Variants in MYRIP observed in about 807,000 individuals in gnomAD.
MYRIP encodes the protein myosin VIIA and Rab interacting protein.
MYRIP carries 49 observed loss-of-function variants against 98.0 expected under a neutral mutation model. The ratio of observed to expected loss-of-function variants is 0.50; its 90% CI spans 0.40 to 0.63. The LOEUF (loss-of-function observed/expected upper bound fraction) is 0.63. Ranked by LOEUF, MYRIP falls within the 30% of genes least tolerant of loss-of-function variation. The probability of loss-of-function intolerance (pLI) is 0.00; values close to 1 mark genes in which losing one functional copy is unlikely to be tolerated. For missense variants in MYRIP, 1,004 were observed against 1,058.2 expected (o/e 0.95, Z 0.71); for synonymous variants, 404 against 409.5 (o/e 0.99, Z 0.16).
chr3:39,813,629 T>A (rs1940776145), intron 1 of MYRIP, among the ~76,000 whole-genome samples: 4 of 152,238 alleles, frequency 2.6e-5, no homozygotes, highest in African/African-American at 9.6e-5. Flanking sequence ...AGTTGTACTC[T>A]TCTGCAGTGG....
chr3:40,109,119 C>T (rs1949109270), intron 3 of MYRIP, among the ~76,000 whole-genome samples: 1 of 152,150 alleles, frequency 6.6e-6, no homozygotes, highest in South Asian at 2.1e-4. Context: ...CCTCACTCTG[C>T]CTCTTTTTTT....
chr3:40,001,848 C>G (rs1245372593), intron 2 of MYRIP, among the ~76,000 whole-genome samples: 1 of 152,118 alleles, frequency 6.6e-6, no homozygotes, highest in Non-Finnish European at 1.5e-5. Flanking sequence ...GAGGAACAGG[C>G]AGATTCAAAA....
chr3:39,860,302 G>T (rs950918026), intron 1 of MYRIP, among the ~76,000 whole-genome samples: 63 of 152,184 alleles, frequency 4.1e-4, no homozygotes, highest in African/African-American at 1.4e-3. Context: ...ACTTGAGCTT[G>T]CAGGGAGAGC....
At chr3:40,035,603 T>A (rs771677537) in intron 2 of MYRIP, among the ~76,000 whole-genome samples, 19 of 151,934 alleles carry the variant, frequency 1.3e-4, no homozygotes, top group Non-Finnish European at 2.4e-4. Context: ...TATTTACAAT[T>A]ATTTTTAGAA....
intron 1 of MYRIP, among the ~76,000 whole-genome samples, chr3:39,885,896 T>C (rs573326542): frequency 6.6e-6 from 1 of 152,020 alleles, no homozygotes; most frequent in East Asian, 1.9e-4. Context: ...TTATACATTC[T>C]TCTAAATTTT....
At chr3:40,065,839 C>T (rs1186802518) in intron 3 of MYRIP, among the ~76,000 whole-genome samples, 2 of 152,134 alleles carry the variant, frequency 1.3e-5, no homozygotes, top group African/African-American at 2.4e-5. Flanking sequence ...TTGTACCCAA[C>T]ACAGCTCGAG....
chr3:39,973,941 G>A (rs1347590185), intron 2 of MYRIP, among the ~76,000 whole-genome samples: 2 of 152,140 alleles, frequency 1.3e-5, no homozygotes, highest in Non-Finnish European at 2.9e-5. Flanking sequence ...GCCCACAAGA[G>A]AAAGCAGGAA....
intron 3 of MYRIP, among the ~76,000 whole-genome samples, chr3:40,147,683 T>C (rs1277088394): frequency 6.6e-6 from 1 of 152,222 alleles, no homozygotes; most frequent in African/African-American, 2.4e-5. Flanking sequence ...TAGACCATAT[T>C]TTCTTGAGCT....
chr3:40,186,716 C>T (rs1951045170), intron 9 of MYRIP, among the ~76,000 whole-genome samples: 1 of 152,186 alleles, frequency 6.6e-6, no homozygotes, highest in African/African-American at 2.4e-5. Context: ...AGCTGGCATA[C>T]ACTGAAGTCG....
At chr3:39,960,467 C>T (rs1356877264) in intron 2 of MYRIP, among the ~76,000 whole-genome samples, 1 of 152,064 alleles carries the variant, frequency 6.6e-6, no homozygotes, top group African/African-American at 2.4e-5. Context: ...CTTTTTCCCT[C>T]TTTTCCCTAA....
chr3:40,157,068 G>C (rs1217150012), intron 4 of MYRIP, among the ~76,000 whole-genome samples: 1 of 150,242 alleles, frequency 6.7e-6, no homozygotes, highest in Non-Finnish European at 1.5e-5. Flanking sequence ...TCCCTGTCTT[G>C]TGCCAGTTTT....
intron 2 of MYRIP, among the ~76,000 whole-genome samples, chr3:39,907,751 T>C: frequency 6.6e-6 from 1 of 152,144 alleles, no homozygotes; most frequent in East Asian, 1.9e-4. Context: ...GACTTGTAGA[T>C]GAAGAAACAC....
chr3:39,849,738 C>G (rs1383228739), intron 1 of MYRIP, among the ~76,000 whole-genome samples: 1 of 152,178 alleles, frequency 6.6e-6, no homozygotes, highest in Non-Finnish European at 1.5e-5. Context: ...ATGAGAGTTT[C>G]TTCTACAGTG....
At chr3:40,070,112 T>C (rs1948195417) in intron 3 of MYRIP, among the ~76,000 whole-genome samples, 1 of 152,206 alleles carries the variant, frequency 6.6e-6, no homozygotes. Flanking sequence ...CACACATTTA[T>C]ATCTGGGTCC....
At chr3:40,105,974 T>C (rs1949043396) in intron 3 of MYRIP, among the ~76,000 whole-genome samples, 1 of 151,052 alleles carries the variant, frequency 6.6e-6, no homozygotes, top group South Asian at 2.1e-4. Context: ...ACCATATCAG[T>C]TACCAAGGGG....
chr3:40,218,405 TGAG>T (rs745505466), intron 11 of MYRIP, among the ~76,000 whole-genome samples: 4 of 151,816 alleles, frequency 2.6e-5, no homozygotes, highest in African/African-American at 4.8e-5. Flanking sequence ...GAGAATGGGC[TGAG>T]GAGAAGATTG....
At chr3:40,240,744 A>G (rs1050999982) in intron 12 of MYRIP, among the ~76,000 whole-genome samples, 3 of 152,130 alleles carry the variant, frequency 2.0e-5, no homozygotes, top group Non-Finnish European at 2.9e-5. Context: ...GCAGCACGCA[A>G]TGGGGGCTCA....
intron 3 of MYRIP, among the ~76,000 whole-genome samples, chr3:40,121,820 T>G (rs1413311877): frequency 6.6e-6 from 1 of 152,144 alleles, no homozygotes; most frequent in African/African-American, 2.4e-5. Context: ...ATTTACAACT[T>G]TCAAGTAAAA....
intron 3 of MYRIP, among the ~76,000 whole-genome samples, chr3:40,121,465 T>C (rs376820937): frequency 6.6e-6 from 1 of 152,144 alleles, no homozygotes; most frequent in East Asian, 1.9e-4. Context: ...TTTTTCACTC[T>C]TCTTCTTCTG....
Sources: allele counts gnomAD v4.1 joint callset (sites outside exome capture counted in the v4.1 genomes callset), GRCh38; gene constraint gnomAD v4.1.1; transcripts MANE v1.5; gene names NCBI Gene and HGNC (gene_info 2026-07-23, HGNC 2026-07-21).